The following USP8 variants were observed in gnomAD, a reference collection of about 807,000 sequenced individuals.
The protein encoded by USP8 is ubiquitin carboxyl-terminal hydrolase 8.
A neutral mutation model predicts 130.0 loss-of-function variants in USP8; 27 were observed. The observed-to-expected ratio is 0.21, with a 90% CI of 0.15 to 0.29. The LOEUF (loss-of-function observed/expected upper bound fraction) is 0.29, where lower values mean the gene tolerates loss of function less well. Among genes scored for constraint, USP8 ranks in the 10% least tolerant of loss-of-function variants. The probability of loss-of-function intolerance (pLI) is 1.00; values close to 1 mark genes in which losing one functional copy is unlikely to be tolerated. For synonymous variants in USP8, 392 were observed against 444.1 expected (o/e 0.88, Z 1.48); for missense variants, 1,029 against 1,312.2 (o/e 0.78, Z 3.33).
At chr15:50,449,896 T>TC (rs2050566982) in intron 4 of USP8, among the ~76,000 whole-genome samples, 1 of 135,420 alleles carries the variant, frequency 7.4e-6, no homozygotes, top group African/African-American at 2.9e-5. Context: ...ATTTCTTTTT[T>TC]TTTTTTTTTT....
intron 12 of USP8, among the ~76,000 whole-genome samples, chr15:50,489,260 A>C (rs534571217): frequency 2.0e-5 from 3 of 152,300 alleles, no homozygotes; most frequent in African/African-American, 7.2e-5. Context: ...GATTTAGAAT[A>C]AGCCAAGATA....
intron 12 of USP8, chr15:50,489,514 C>T (rs2052081300): frequency 1.2e-5 from 2 of 162,948 alleles, no homozygotes; most frequent in Non-Finnish European, 2.6e-5. Context: ...CCACTGTCTT[C>T]CTCCCCGTGA....
At chr15:50,436,152 T>C (rs896721714) in intron 1 of USP8, among the ~76,000 whole-genome samples, 3 of 152,196 alleles carry the variant, frequency 2.0e-5, no homozygotes, top group South Asian at 2.1e-4. Flanking sequence ...GTAAATGCTT[T>C]AGTAACATTC....
At chr15:50,474,410 C>T (rs925166753) in intron 8 of USP8, among the ~76,000 whole-genome samples, 3 of 152,094 alleles carry the variant, frequency 2.0e-5, no homozygotes, top group African/African-American at 7.2e-5. Context: ...TTGAGAAAGT[C>T]GGTCTTAAAA....
intron 7 of USP8, among the ~76,000 whole-genome samples, chr15:50,470,233 T>C (rs1299195833): frequency 6.6e-6 from 1 of 152,186 alleles, no homozygotes; most frequent in Non-Finnish European, 1.5e-5. Context: ...CTTTGGAGCT[T>C]TTAACAGAGA....
rs80157620 is a variant in USP8 at position 50,474,384 on chromosome 15, G to A, written c.850-2465G>A. On this transcript the variant is annotated intron_variant, in intron 8 of 19. Transcript: ENST00000307179. ...AGAAAACTCATTCTGCTGGTAGGAG[G>A]GTCAGCTGATTGCCGTTGAGAAAGT... 1.6e-3 allele frequency among the ~76,000 whole-genome samples: 242 copies of A among 152,172 alleles called. 1 individual carries two copies. Among genetic ancestry groups the A allele is most frequent in the Admixed American group, 2.7e-3 (41 of 15,276 alleles).
chr15:50,501,087 G>T lies in USP8; in HGVS notation c.*1999G>T. The T allele has an allele frequency of 2.4e-6, 1 of 412,604 alleles. No individual in the cohort carries two copies. Among genetic ancestry groups the T allele is most frequent in the Non-Finnish European group, 4.5e-6 (1 of 220,464 alleles). The allele number at this position is 412,604 out of a possible 1,614,324, so 25.6% of individuals were successfully genotyped here. Reference sequence around the variant, plus strand: ...AGAAAGACAATATTTAGCAGCATCTGATTAATGTTTATCAGTGAACATTTA... The same window carrying T: ...AGAAAGACAATATTTAGCAGCATCTTATTAATGTTTATCAGTGAACATTTA... On this transcript the variant is annotated 3_prime_UTR_variant, in exon 20 of 20. Transcript: ENST00000307179.
intron 12 of USP8, among the ~76,000 whole-genome samples, chr15:50,487,723 T>C (rs547131734): frequency 6.6e-6 from 1 of 152,338 alleles, no homozygotes; most frequent in South Asian, 2.1e-4. Flanking sequence ...CTGTGTAAAA[T>C]GCCACAGACA....
intron 3 of USP8, among the ~76,000 whole-genome samples, chr15:50,442,709 C>T (rs1182430549): frequency 6.6e-6 from 1 of 152,174 alleles, no homozygotes; most frequent in Non-Finnish European, 1.5e-5. Flanking sequence ...TGCACCACTG[C>T]ACTCCAGCTC....
chr15:50,452,230 T>G (rs769324364), intron 4 of USP8, among the ~76,000 whole-genome samples: 12 of 152,264 alleles, frequency 7.9e-5, no homozygotes, highest in Non-Finnish European at 1.5e-4. Flanking sequence ...AACATAGACT[T>G]AATCCATTTC....
At position 50,500,845 on chromosome 15, in the gene USP8, A is replaced by C. The variant is rs2052572261; in HGVS notation, c.*1757A>C. On this transcript the variant is annotated 3_prime_UTR_variant, in exon 20 of 20. Coordinates refer to ENST00000307179, the MANE Select transcript of USP8 (RefSeq NM_005154.5). ...CAAATCACCAAAATGGTTCTATGGG[A>C]GAAAGGAATGTCAAACTTAGTATTC... The C allele has an allele frequency of 6.4e-7, 1 of 1,572,948 alleles. No individual in the cohort carries two copies. The highest frequency in any genetic ancestry group is 1.2e-5 in the South Asian group (1 of 85,436).
At chr15:50,469,635 C>G (rs74601083) in intron 7 of USP8, among the ~76,000 whole-genome samples, 2,114 of 152,096 alleles carry the variant, frequency 0.014, 43 homozygotes, top group African/African-American at 0.049. Context: ...TATATAGGAA[C>G]TGGATTTCAA....
Position 50,459,181 on chromosome 15 carries a change from G to T in USP8, c.498+19G>T. On this transcript the variant is annotated intron_variant, in intron 5 of 19. Transcript: ENST00000307179. ...CCAAAAGGTATTTCAAATTTAATGTGTGAGTTAAAAGACTGTTTCTGCTTG... is the reference window on the plus strand; with the variant it reads ...CCAAAAGGTATTTCAAATTTAATGTTTGAGTTAAAAGACTGTTTCTGCTTG... 3 of 1,595,886 alleles carry T rather than the reference G, an allele frequency of 1.9e-6. No individual in the cohort carries two copies. Among genetic ancestry groups the T allele is most frequent in the Non-Finnish European group, 2.6e-6 (3 of 1,173,954 alleles).
At chr15:50,479,516 A>G (rs1338937515) in intron 10 of USP8, among the ~76,000 whole-genome samples, 1 of 152,224 alleles carries the variant, frequency 6.6e-6, no homozygotes, top group Non-Finnish European at 1.5e-5. Context: ...ACTTGAGAGT[A>G]ACATGATCAT....
intron 9 of USP8, 37 bp from the exon 10 acceptor site, chr15:50,477,239 G>A (rs1595960381): frequency 1.9e-5 from 30 of 1,564,330 alleles, no homozygotes; most frequent in Non-Finnish European, 2.6e-5. Flanking sequence ...TATGGGGTTT[G>A]CTATTCTAAA....
intron 1 of USP8, among the ~76,000 whole-genome samples, chr15:50,425,241 TTTG>T (rs1428419976): frequency 2.0e-5 from 3 of 152,214 alleles, no homozygotes; most frequent in Admixed American, 1.3e-4. Context: ...GAATTTAGTA[TTTG>T]TTAAGAGACC....
At chr15:50,427,421 C>T (rs924898621) in intron 1 of USP8, among the ~76,000 whole-genome samples, 2 of 151,916 alleles carry the variant, frequency 1.3e-5, no homozygotes, top group Non-Finnish European at 2.9e-5. Flanking sequence ...GAGTGATTTA[C>T]GGAATTTGTT....
At chr15:50,438,743 T>C (rs753797123) in intron 1 of USP8, among the ~76,000 whole-genome samples, 1 of 152,250 alleles carries the variant, frequency 6.6e-6, no homozygotes, top group African/African-American at 2.4e-5. Flanking sequence ...TTATTCTTAC[T>C]GCTAGTTCCT....
intron 8 of USP8, among the ~76,000 whole-genome samples, chr15:50,475,900 A>G (rs1041115760): frequency 6.6e-6 from 1 of 151,838 alleles, no homozygotes; most frequent in Non-Finnish European, 1.5e-5. Context: ...ACCGTGCCCG[A>G]CCAATATATT....
Sources: allele counts gnomAD v4.1 joint callset (sites outside exome capture counted in the v4.1 genomes callset), GRCh38; gene constraint gnomAD v4.1.1; transcripts MANE v1.5; gene names NCBI Gene and HGNC (gene_info 2026-07-23, HGNC 2026-07-21).